The following PDE4D variants were observed in gnomAD, a reference collection of about 807,000 sequenced individuals.
The protein encoded by PDE4D is phosphodiesterase 4D.
A neutral mutation model predicts 87.4 loss-of-function variants in PDE4D; 24 were observed. The ratio of observed to expected loss-of-function variants is 0.27; its 90% CI spans 0.20 to 0.39. The LOEUF is 0.39. Ranked by LOEUF, PDE4D falls within the 10% of genes least tolerant of loss-of-function variation. PDE4D has a pLI of 1.00. For synonymous variants in PDE4D, 384 were observed against 383.2 expected (o/e 1.00, Z -0.02); for missense variants, 714 against 1,041.0 (o/e 0.69, Z 4.32).
At chr5:59,310,589 C>CA (rs2153565679) in intron 1 of PDE4D, among the ~76,000 whole-genome samples, 1 of 152,246 alleles carries the variant, frequency 6.6e-6, no homozygotes, top group South Asian at 2.1e-4. Context: ...TCTCTCATCC[C>CA]AAACTCCCTG....
At chr5:59,022,937 G>A (rs1006598887) in intron 6 of PDE4D, among the ~76,000 whole-genome samples, 3 of 152,014 alleles carry the variant, frequency 2.0e-5, no homozygotes, top group African/African-American at 7.2e-5. Flanking sequence ...ACACTTTGGC[G>A]GGCCAAGGTG....
intron 2 of PDE4D, among the ~76,000 whole-genome samples, chr5:60,177,838 G>T (rs1784056078): frequency 6.6e-6 from 1 of 152,086 alleles, no homozygotes; most frequent in Non-Finnish European, 1.5e-5. Flanking sequence ...GTAAGAATTT[G>T]TAAAGCTAAG....
intron 1 of PDE4D, among the ~76,000 whole-genome samples, chr5:60,332,297 A>G (rs1311197030): frequency 6.6e-6 from 1 of 152,198 alleles, no homozygotes; most frequent in Non-Finnish European, 1.5e-5. Flanking sequence ...TAGTGAACAT[A>G]GTATCCAAAA....
intron 5 of PDE4D, among the ~76,000 whole-genome samples, chr5:59,054,478 G>A (rs1339687687): frequency 6.6e-6 from 1 of 152,036 alleles, no homozygotes; most frequent in East Asian, 1.9e-4. Context: ...AAAGGTAGAG[G>A]AGAGCAGTGG....
intron 1 of PDE4D, among the ~76,000 whole-genome samples, chr5:60,275,746 CT>C (rs1751296880): frequency 6.6e-6 from 1 of 151,860 alleles, no homozygotes; most frequent in African/African-American, 2.4e-5. Context: ...GAGTCTTTTT[CT>C]CTTTTTTAAT....
At chr5:60,041,726 G>A (rs1447104663) in intron 2 of PDE4D, among the ~76,000 whole-genome samples, 1 of 152,148 alleles carries the variant, frequency 6.6e-6, no homozygotes, top group Non-Finnish European at 1.5e-5. Flanking sequence ...TCTAGCCAAG[G>A]GAAGCCATGA....
intron 5 of PDE4D, among the ~76,000 whole-genome samples, chr5:59,114,943 CA>C (rs1773337467): frequency 6.6e-6 from 1 of 151,788 alleles, no homozygotes; most frequent in Non-Finnish European, 1.5e-5. Flanking sequence ...GTGCGAAAAT[CA>C]ATAGAGATAT....
chr5:59,482,809 A>G (rs1227176320), intron 1 of PDE4D, among the ~76,000 whole-genome samples: 1 of 152,118 alleles, frequency 6.6e-6, no homozygotes, highest in East Asian at 1.9e-4. Context: ...TTCCTACATA[A>G]ATCTACTATT....
chr5:59,940,669 T>C (rs369415334), intron 3 of PDE4D, among the ~76,000 whole-genome samples: 6 of 152,058 alleles, frequency 3.9e-5, no homozygotes, highest in South Asian at 4.2e-4. Context: ...GACATATGGA[T>C]AGAGATTTCA....
intron 3 of PDE4D, among the ~76,000 whole-genome samples, chr5:59,964,447 C>T (rs949116038): frequency 1.3e-5 from 2 of 152,136 alleles, no homozygotes; most frequent in Non-Finnish European, 1.5e-5. Context: ...TCTTCTTTAA[C>T]AATACCCAGC....
intron 1 of PDE4D, among the ~76,000 whole-genome samples, chr5:59,549,813 AAAAC>A (rs1817824037): frequency 6.6e-6 from 1 of 152,236 alleles, no homozygotes; most frequent in Middle Eastern, 3.4e-3. Flanking sequence ...AATTTTAACT[AAAAC>A]AAGGGATAGC....
chr5:60,328,147 T>G (rs1307311838), intron 1 of PDE4D, among the ~76,000 whole-genome samples: 1 of 152,148 alleles, frequency 6.6e-6, no homozygotes, highest in Non-Finnish European at 1.5e-5. Flanking sequence ...GATATCTAGC[T>G]CTAGTCACTG....
At chr5:59,891,155 C>A (rs1199552479) in intron 1 of PDE4D, among the ~76,000 whole-genome samples, 1 of 152,136 alleles carries the variant, frequency 6.6e-6, no homozygotes, top group Non-Finnish European at 1.5e-5. Context: ...AACCATTCAA[C>A]TAAAAATTTC....
intron 1 of PDE4D, among the ~76,000 whole-genome samples, chr5:59,307,576 A>G (rs898757921): frequency 1.3e-5 from 2 of 152,166 alleles, no homozygotes; most frequent in Admixed American, 6.5e-5. Context: ...TTCTCAAAAG[A>G]AGACATTTAT....
At chr5:59,130,063 T>C (rs781385526) in intron 5 of PDE4D, among the ~76,000 whole-genome samples, 14 of 152,200 alleles carry the variant, frequency 9.2e-5, no homozygotes, top group Non-Finnish European at 1.9e-4. Flanking sequence ...TTTCCCCCCT[T>C]ATAACCAGAG....
intron 2 of PDE4D, among the ~76,000 whole-genome samples, chr5:60,160,529 G>T (rs1469716319): frequency 1.3e-5 from 2 of 151,962 alleles, no homozygotes; most frequent in African/African-American, 4.8e-5. Context: ...AAAATAACTG[G>T]ACCAGAGTGT....
chr5:60,195,143 G>T (rs1026391865), intron 1 of PDE4D, among the ~76,000 whole-genome samples: 7 of 151,596 alleles, frequency 4.6e-5, no homozygotes, highest in African/African-American at 1.4e-4. Context: ...ACTCAACTCA[G>T]GTGTCATCTC....
At chr5:60,092,610 TAA>T (rs911735697) in intron 2 of PDE4D, among the ~76,000 whole-genome samples, 1 of 151,366 alleles carries the variant, frequency 6.6e-6, no homozygotes, top group African/African-American at 2.4e-5. Context: ...GTACTAGGAA[TAA>T]AGTTAGGACT....
At position 59,794,100 on chromosome 5, in the gene PDE4D, C is replaced by T. The variant is rs1191391480; in HGVS notation, c.455+99068G>A. ...ACAGACATGGACACAGACATACACACAGACATGGACAGATACACAGACACA... is the reference window on the plus strand; with the variant it reads ...ACAGACATGGACACAGACATACACATAGACATGGACAGATACACAGACACA... On this transcript the variant is annotated intron_variant, in intron 1 of 14. Transcript: ENST00000340635. Among the ~76,000 whole-genome samples, 6 of 151,636 alleles carry T rather than the reference C, an allele frequency of 4.0e-5. No individual in the cohort carries two copies. The East Asian group carries it at 1.2e-3, about 30-fold the overall frequency.
Sources: gnomAD v4.1 joint callset for allele counts (sites outside exome capture counted in the v4.1 genomes callset) on GRCh38, gnomAD v4.1.1 for gene constraint, MANE v1.5 for transcripts, NCBI Gene and HGNC (gene_info 2026-07-23, HGNC 2026-07-21) for gene names.